SCHIP1: variants seen among roughly 807,000 people sequenced by gnomAD.
SCHIP1 encodes schwannomin-interacting protein 1.
SCHIP1 carries 8 observed loss-of-function variants against 29.7 expected under a neutral mutation model. That is an observed-to-expected ratio of 0.27 (90% CI 0.16 to 0.49). SCHIP1 has a LOEUF of 0.49. SCHIP1 is among the 20% of genes least tolerant of loss of function. The pLI is 0.99. For synonymous variants in SCHIP1, 76 were observed against 94.9 expected, an observed-to-expected ratio of 0.80 and a Z score of 1.16; for missense variants, 193 against 294.6, an observed-to-expected ratio of 0.66 and a Z score of 2.52.
At chr3:159,327,236 G>A in the SCHIP1 span, among the ~76,000 whole-genome samples, 1 of 152,172 alleles carries the variant, frequency 6.6e-6, no homozygotes, top group Admixed American at 6.5e-5. Flanking sequence ...AGATCATGGG[G>A]CAAGTAGTAA....
At chr3:159,506,061 G>C in the SCHIP1 span, among the ~76,000 whole-genome samples, 209 of 152,270 alleles carry the variant, frequency 1.4e-3, 2 homozygotes, top group African/African-American at 4.7e-3. Context: ...TTCTACAATG[G>C]TTGAACTAGT....
the SCHIP1 span, among the ~76,000 whole-genome samples, chr3:159,745,215 G>T: frequency 8.0e-4 from 122 of 152,226 alleles, no homozygotes; most frequent in African/African-American, 2.9e-3. Flanking sequence ...CCCTGCATTT[G>T]GTTCCTTTGA....
chr3:159,839,871 GC>G, exon 1 of SCHIP1: 1 of 1,369,082 alleles, frequency 7.3e-7, no homozygotes, highest in Non-Finnish European at 9.4e-7. Flanking sequence ...TTTTCTTTGT[GC>G]CTATAATATA....
the SCHIP1 span, among the ~76,000 whole-genome samples, chr3:159,340,673 C>T: frequency 1.3e-5 from 2 of 152,060 alleles, no homozygotes; most frequent in African/African-American, 4.8e-5. Context: ...GTTATTTTCA[C>T]CTCTCTCTTG....
At chr3:159,836,666 C>T (rs1743691777), upstream of SCHIP1, among the ~76,000 whole-genome samples, 1 of 151,830 alleles carries the variant, frequency 6.6e-6, no homozygotes, top group Non-Finnish European at 1.5e-5. Context: ...CTCTTGAGGT[C>T]CCATCTAAAT....
At chr3:159,455,688 G>T in the SCHIP1 span, among the ~76,000 whole-genome samples, 4,388 of 152,282 alleles carry the variant, frequency 0.029, 99 homozygotes, top group South Asian at 0.048. Flanking sequence ...AATGATCAAG[G>T]TTCTTATTTC....
the SCHIP1 span, among the ~76,000 whole-genome samples, chr3:159,815,770 T>C: frequency 1.3e-5 from 2 of 152,116 alleles, no homozygotes; most frequent in Non-Finnish European, 2.9e-5. Context: ...ACACCCATGA[T>C]TCCTACCTGG....
chr3:159,366,225 T>C, the SCHIP1 span, among the ~76,000 whole-genome samples: 4 of 151,902 alleles, frequency 2.6e-5, no homozygotes, highest in African/African-American at 9.7e-5. Context: ...AATGACCAGA[T>C]CTGGTATGAA....
chr3:159,399,167 T>C, the SCHIP1 span, among the ~76,000 whole-genome samples: 13 of 152,146 alleles, frequency 8.5e-5, no homozygotes, highest in Admixed American at 7.9e-4. Flanking sequence ...GCACAGCCAA[T>C]TTTATTATCT....
At chr3:159,598,973 GCTTTT>G in the SCHIP1 span, among the ~76,000 whole-genome samples, 2 of 151,116 alleles carry the variant, frequency 1.3e-5, no homozygotes, top group African/African-American at 4.9e-5. Context: ...GACATTCTTT[GCTTTT>G]TTTTACTCTT....
the SCHIP1 span, among the ~76,000 whole-genome samples, chr3:159,449,790 G>T: frequency 6.6e-6 from 1 of 152,028 alleles, no homozygotes; most frequent in Admixed American, 6.6e-5. Flanking sequence ...CTTTAAACAG[G>T]TTGAACTTCA....
chr3:159,659,409 T>C, the SCHIP1 span, among the ~76,000 whole-genome samples: 1 of 152,362 alleles, frequency 6.6e-6, no homozygotes, highest in Admixed American at 6.5e-5. Flanking sequence ...TGAGAATCAC[T>C]GGGATAAGAA....
the SCHIP1 span, among the ~76,000 whole-genome samples, chr3:159,690,147 T>A: frequency 2.0e-5 from 3 of 152,282 alleles, no homozygotes; most frequent in Non-Finnish European, 4.4e-5. Flanking sequence ...TTTTCTATTG[T>A]TTGGAATAGT....
chr3:159,487,120 C>G, the SCHIP1 span, among the ~76,000 whole-genome samples: 1 of 2,746 alleles, frequency 3.6e-4, no homozygotes, highest in Non-Finnish European at 5.4e-4. Context: ...TCTAGCAATT[C>G]TAAGATTCAC....
chr3:159,354,665 AGTAACTC>A, the SCHIP1 span, among the ~76,000 whole-genome samples: 2 of 152,196 alleles, frequency 1.3e-5, no homozygotes, highest in African/African-American at 2.4e-5. Flanking sequence ...ATGATGCCTG[AGTAACTC>A]TTATTTCCAA....
chr3:159,647,985 ACTT>A, the SCHIP1 span, among the ~76,000 whole-genome samples: 2 of 152,078 alleles, frequency 1.3e-5, no homozygotes, highest in Admixed American at 6.6e-5. Flanking sequence ...GAGGCAAACC[ACTT>A]CTTCCGCTAG....
chr3:159,377,180 C>T, the SCHIP1 span, among the ~76,000 whole-genome samples: 91 of 152,302 alleles, frequency 6.0e-4, 2 homozygotes, highest in Admixed American at 5.2e-3. Flanking sequence ...AAAAGCCAAG[C>T]ACCACCTCCT....
chr3:159,564,326 A>G, the SCHIP1 span, among the ~76,000 whole-genome samples: 273 of 151,996 alleles, frequency 1.8e-3, 1 homozygote, highest in African/African-American at 6.2e-3. Flanking sequence ...AGCTCTCCCC[A>G]TGCTCCATTT....
the SCHIP1 span, among the ~76,000 whole-genome samples, chr3:159,655,073 G>T: frequency 6.6e-6 from 1 of 152,054 alleles, no homozygotes; most frequent in Non-Finnish European, 1.5e-5. Context: ...ATGAGTTCTG[G>T]GTTCAACTCC....
Sources: gnomAD v4.1 joint callset for allele counts (sites outside exome capture counted in the v4.1 genomes callset) on GRCh38, gnomAD v4.1.1 for gene constraint, MANE v1.5 for transcripts, NCBI Gene and HGNC (gene_info 2026-07-23, HGNC 2026-07-21) for gene names.